ADCY2: variants seen among roughly 807,000 people sequenced by gnomAD.
The protein encoded by ADCY2 is adenylate cyclase 2.
A neutral mutation model predicts 125.2 loss-of-function variants in ADCY2; 31 were observed. That is an observed-to-expected ratio of 0.25 (90% CI 0.19 to 0.33). The LOEUF (loss-of-function observed/expected upper bound fraction) is 0.33, where lower values mean the gene tolerates loss of function less well. Among genes scored for constraint, ADCY2 ranks in the 10% least tolerant of loss-of-function variants. ADCY2 has a pLI of 1.00. For synonymous variants in ADCY2, 512 were observed against 548.4 expected, an observed-to-expected ratio of 0.93 and a Z score of 0.93; for missense variants, 904 against 1,418.2, an observed-to-expected ratio of 0.64 and a Z score of 5.82.
intron 3 of ADCY2, among the ~76,000 whole-genome samples, chr5:7,536,107 T>G (rs1579548172): frequency 6.6e-6 from 1 of 152,258 alleles, no homozygotes; most frequent in Non-Finnish European, 1.5e-5. Flanking sequence ...AAAACTCTGA[T>G]GTAAGGCTTA....
intron 2 of ADCY2, among the ~76,000 whole-genome samples, chr5:7,441,946 T>G (rs923517790): frequency 6.6e-6 from 1 of 152,196 alleles, no homozygotes; most frequent in South Asian, 2.1e-4. Context: ...CATGTTAGAC[T>G]TGGCAACCGC....
At chr5:7,547,576 T>C (rs1735187375) in intron 3 of ADCY2, among the ~76,000 whole-genome samples, 1 of 152,198 alleles carries the variant, frequency 6.6e-6, no homozygotes, top group African/African-American at 2.4e-5. Flanking sequence ...TTACAAGCCT[T>C]CAGAATTAAA....
At chr5:7,546,281 C>T (rs7720767) in intron 3 of ADCY2, among the ~76,000 whole-genome samples, 26,129 of 152,156 alleles carry the variant, frequency 0.17, 2,497 homozygotes, top group African/African-American at 0.2. Flanking sequence ...TGAATGGTAA[C>T]GCATGACTAA....
chr5:7,418,282 A>G (rs1175643261), intron 2 of ADCY2, among the ~76,000 whole-genome samples: 1 of 152,146 alleles, frequency 6.6e-6, no homozygotes, highest in Non-Finnish European at 1.5e-5. Flanking sequence ...TCGTGAGTGT[A>G]TATGAGGCTC....
At chr5:7,702,663 T>C (rs1175817180) in intron 7 of ADCY2, among the ~76,000 whole-genome samples, 6 of 152,328 alleles carry the variant, frequency 3.9e-5, no homozygotes, top group East Asian at 1.9e-4. Flanking sequence ...GTCTTTGCTA[T>C]TGTGAATAGT....
chr5:7,742,351 A>G (rs888296420), intron 14 of ADCY2, among the ~76,000 whole-genome samples: 8 of 152,098 alleles, frequency 5.3e-5, no homozygotes, highest in Non-Finnish European at 8.8e-5. Context: ...GGCCCATGAG[A>G]CTAGTCAACA....
At chr5:7,513,106 C>CACACAGAGAG (rs777343291) in intron 2 of ADCY2, among the ~76,000 whole-genome samples, 236 of 138,534 alleles carry the variant, frequency 1.7e-3, no homozygotes, top group African/African-American at 5.5e-3. Context: ...CACACACACA[C>CACACAGAGAG]AGAGAGAGAG....
chr5:7,553,007 T>A (rs1475148848), intron 3 of ADCY2, among the ~76,000 whole-genome samples: 1 of 152,216 alleles, frequency 6.6e-6, no homozygotes, highest in African/African-American at 2.4e-5. Flanking sequence ...TGTTTTGTAG[T>A]CTGACCACTT....
intron 3 of ADCY2, among the ~76,000 whole-genome samples, chr5:7,521,312 A>G (rs566535889): frequency 6.6e-6 from 1 of 152,338 alleles, no homozygotes; most frequent in South Asian, 2.1e-4. Flanking sequence ...CTTTACAAAG[A>G]TAAAAATTTT....
intron 22 of ADCY2, 50 bp from the exon 23 acceptor site, chr5:7,816,816 T>C (rs768982083): frequency 6.7e-7 from 1 of 1,494,270 alleles, no homozygotes; most frequent in South Asian, 1.1e-5. Context: ...GGGAACAGTT[T>C]CCAGCTGTGA....
intron 3 of ADCY2, among the ~76,000 whole-genome samples, chr5:7,597,474 G>A (rs1169298085): frequency 6.6e-6 from 1 of 152,204 alleles, no homozygotes; most frequent in Non-Finnish European, 1.5e-5. Context: ...AGAATAGGCA[G>A]GGTAAAGAAT....
rs138460790 is a variant in ADCY2, at chr5:7,555,356, C to T, written c.570+34457C>T. 3.3e-3 allele frequency among the ~76,000 whole-genome samples: 508 copies of T among 152,268 alleles called. 8 individuals carry two copies. The highest frequency in any genetic ancestry group is 0.012 in the African/African-American group (484 of 41,548). On this transcript the variant is annotated intron_variant, in intron 3 of 24. Transcript: ENST00000338316. The stretch of plus-strand genomic sequence containing the variant: ...AAAAATTATGAAAACTTAAGTGGCA[C>T]TTGATATTTATGTTTTGCAATATTT...
At chr5:7,730,501 C>A (rs528747048) in intron 14 of ADCY2, among the ~76,000 whole-genome samples, 2 of 151,940 alleles carry the variant, frequency 1.3e-5, no homozygotes, top group African/African-American at 4.8e-5. Context: ...AAAAATTATT[C>A]GTTTCTTCAA....
chr5:7,589,762 G>C (rs577343923), intron 3 of ADCY2, among the ~76,000 whole-genome samples: 53 of 152,242 alleles, frequency 3.5e-4, no homozygotes, highest in African/African-American at 1.2e-3. Context: ...GAGATGGGCT[G>C]TTGGGGGTAA....
At position 7,624,651 on chromosome 5, in the gene ADCY2, T is replaced by A. The variant is rs200884218; in HGVS notation, c.571-1516T>A. ...GCATAGAGAAGGAGGACAGCTATGA[T>A]TCTCTGTTCAGTCCTGTCACAAGGA... is the stretch of plus-strand genomic sequence containing the variant. On this transcript the variant is annotated intron_variant, in intron 3 of 24. Coordinates refer to ENST00000338316, the MANE Select transcript of ADCY2 (RefSeq NM_020546.3). Among the ~76,000 whole-genome samples the A allele has an allele frequency of 5.3e-5, 8 of 152,334 alleles. No homozygotes were observed. The East Asian group carries it at 1.5e-3, about 29-fold the overall frequency.
chr5:7,557,885 C>A (rs1031048165), intron 3 of ADCY2, among the ~76,000 whole-genome samples: 1 of 152,116 alleles, frequency 6.6e-6, no homozygotes, highest in African/African-American at 2.4e-5. Flanking sequence ...TACCCAGATA[C>A]CCAGTAATGG....
At chr5:7,768,008 G>T (rs1284271722) in intron 17 of ADCY2, among the ~76,000 whole-genome samples, 2 of 150,454 alleles carry the variant, frequency 1.3e-5, no homozygotes, top group African/African-American at 4.9e-5. Context: ...TCCAGCCTGG[G>T]CGACAGAGTG....
At chr5:7,453,922 G>A (rs1189976498) in intron 2 of ADCY2, among the ~76,000 whole-genome samples, 1 of 152,124 alleles carries the variant, frequency 6.6e-6, no homozygotes, top group East Asian at 1.9e-4. Context: ...AAATGCACCT[G>A]TGTGAGCCCA....
intron 14 of ADCY2, among the ~76,000 whole-genome samples, chr5:7,735,656 T>G (rs892314612): frequency 3.3e-5 from 5 of 152,274 alleles, no homozygotes; most frequent in Non-Finnish European, 7.3e-5. Flanking sequence ...AAAGCAACCT[T>G]ACATTTCTTG....
Sources: gnomAD v4.1 joint callset for allele counts (sites outside exome capture counted in the v4.1 genomes callset) on GRCh38, gnomAD v4.1.1 for gene constraint, MANE v1.5 for transcripts, NCBI Gene and HGNC (gene_info 2026-07-23, HGNC 2026-07-21) for gene names.